Variants in ABCC1 observed in about 807,000 individuals in gnomAD.
ABCC1 encodes multidrug resistance-associated protein 1.
Under a neutral mutation model 172.9 loss-of-function variants are expected in ABCC1, and 83 were observed. The ratio of observed to expected loss-of-function variants is 0.48; its 90% CI spans 0.40 to 0.58. The LOEUF is 0.58. ABCC1 is among the 20% of genes least tolerant of loss of function. The probability of loss-of-function intolerance (pLI) is 0.00; values close to 1 mark genes in which losing one functional copy is unlikely to be tolerated. For synonymous variants in ABCC1, 937 were observed against 825.2 expected, an observed-to-expected ratio of 1.14 and a Z score of -2.32; for missense variants, 1,817 against 2,002.7, an observed-to-expected ratio of 0.91 and a Z score of 1.77.
At chr16:15,962,781 GGATTACAATTAA>G (rs1441563891) in intron 1 of ABCC1, among the ~76,000 whole-genome samples, 1 of 152,198 alleles carries the variant, frequency 6.6e-6, no homozygotes, top group South Asian at 2.1e-4. Context: ...CAACACGTGG[GGATTACAATTAA>G]GATTACAATT....
intron 20 of ABCC1, among the ~76,000 whole-genome samples, chr16:16,104,091 G>C (rs1286381755): frequency 6.6e-6 from 1 of 152,170 alleles, no homozygotes; most frequent in Non-Finnish European, 1.5e-5. Flanking sequence ...GCTGGCTTCA[G>C]GAGTGAAGCT....
At chr16:16,076,492 CTG>C (rs1339040659) in intron 15 of ABCC1, 91 bp downstream of exon 15, 1 of 1,274,528 alleles carries the variant, frequency 7.8e-7, no homozygotes, top group Non-Finnish European at 1.1e-6. Context: ...TGCTCCCTCT[CTG>C]TGACCTTGAA....
chr16:16,003,947 G>GA (rs968618495), intron 1 of ABCC1, among the ~76,000 whole-genome samples: 9 of 151,010 alleles, frequency 6.0e-5, no homozygotes, highest in Admixed American at 6.6e-5. Flanking sequence ...AATTGGTTGG[G>GA]GGGGGTGGAT....
At chr16:16,079,293 G>T in intron 15 of ABCC1, 59 bp from the exon 16 acceptor site, 1 of 1,596,262 alleles carries the variant, frequency 6.3e-7, no homozygotes, top group Admixed American at 1.7e-5. Context: ...GTGGCCATGG[G>T]CATTAGCCCG....
chr16:16,092,826 C>T (rs527505848), intron 19 of ABCC1, among the ~76,000 whole-genome samples: 8 of 152,268 alleles, frequency 5.3e-5, no homozygotes, highest in Admixed American at 4.6e-4. Flanking sequence ...CTCGTCTCTA[C>T]TGAAAGTACA....
chr16:16,075,144 C>A (rs2050506859), intron 14 of ABCC1, among the ~76,000 whole-genome samples: 1 of 151,878 alleles, frequency 6.6e-6, no homozygotes, highest in Non-Finnish European at 1.5e-5. Context: ...GGGGTTTCAC[C>A]ACGTTGGCCA....
rs147161637 is a variant in ABCC1, at chr16:16,043,222, GTTTTTTT to G, written c.810-1213_810-1207del. Among the ~76,000 whole-genome samples, 254 of 89,494 alleles carry G rather than the reference GTTTTTTT, an allele frequency of 2.8e-3. 1 individual carries two copies. The highest frequency in any genetic ancestry group is 4.7e-3 in the Non-Finnish European group (220 of 46,900). 58.7% of individuals were successfully genotyped at this position (89,494 alleles called of 152,430 possible). On this transcript the variant is annotated intron_variant, in intron 7 of 30. Transcript: ENST00000399410. ...CTGTGTTGCTCTGGCTGGCTGGACT[GTTTTTTT>G]TTTTTTTTTTTTTTCCACTGATGTA...
chr16:16,060,465 T>G (rs781672822), intron 12 of ABCC1, among the ~76,000 whole-genome samples: 5 of 152,178 alleles, frequency 3.3e-5, no homozygotes, highest in Non-Finnish European at 2.9e-5. Context: ...GCCTTGTACA[T>G]TGCATTCTTC....
upstream of ABCC1, chr16:15,949,519 G>A (rs2045803697): frequency 7.0e-6 from 1 of 142,946 alleles, no homozygotes; most frequent in Non-Finnish European, 1.5e-5. Flanking sequence ...AGGTGAGCGG[G>A]CGCCGGGGCG....
chr16:15,953,838 T>C (rs888376015), intron 1 of ABCC1, among the ~76,000 whole-genome samples: 2 of 152,086 alleles, frequency 1.3e-5, no homozygotes, highest in African/African-American at 4.8e-5. Context: ...GAATTCCTCT[T>C]GGGGCTAGGT....
At chr16:16,113,922 G>T (rs540627356) in intron 22 of ABCC1, among the ~76,000 whole-genome samples, 1 of 152,130 alleles carries the variant, frequency 6.6e-6, no homozygotes, top group Non-Finnish European at 1.5e-5. Context: ...AATAGGGTTC[G>T]CACTGCTAGG....
chr16:15,966,153 G>A (rs891018720), intron 1 of ABCC1, among the ~76,000 whole-genome samples: 1 of 152,028 alleles, frequency 6.6e-6, no homozygotes, highest in Non-Finnish European at 1.5e-5. Flanking sequence ...GGTGGCTCAC[G>A]ACTGTAATCC....
chr16:15,979,684 A>G (rs1236832691), intron 1 of ABCC1, among the ~76,000 whole-genome samples: 4 of 152,152 alleles, frequency 2.6e-5, no homozygotes, highest in East Asian at 1.9e-4. Context: ...GGGTCTCACT[A>G]TGTTGCCCAG....
At chr16:16,077,203 C>A (rs2050609886) in intron 15 of ABCC1, among the ~76,000 whole-genome samples, 1 of 152,084 alleles carries the variant, frequency 6.6e-6, no homozygotes, top group African/African-American at 2.4e-5. Context: ...GTGATGGGAC[C>A]CTTTTAGAGG....
chr16:16,098,662 A>G (rs543126385), intron 19 of ABCC1, among the ~76,000 whole-genome samples: 1 of 152,308 alleles, frequency 6.6e-6, no homozygotes, highest in African/African-American at 2.4e-5. Context: ...CTTTGGAGAA[A>G]GGGGTTGGTC....
At chr16:16,010,897 T>C (rs914310211) in intron 3 of ABCC1, among the ~76,000 whole-genome samples, 2 of 152,096 alleles carry the variant, frequency 1.3e-5, no homozygotes, top group African/African-American at 4.8e-5. Flanking sequence ...TTCTGAGCCC[T>C]GAACAGAGAG....
chr16:15,973,766 A>G (rs556224234), intron 1 of ABCC1, among the ~76,000 whole-genome samples: 1 of 152,126 alleles, frequency 6.6e-6, no homozygotes, highest in African/African-American at 2.4e-5. Context: ...GCTTGAGCCC[A>G]GGAGTTTGAA....
rs11399369 is a variant in ABCC1, at chr16:16,057,535, TAA to T, written c.1677+1252_1677+1253del. Among the ~76,000 whole-genome samples, 393 of 145,536 alleles carry T rather than the reference TAA, an allele frequency of 2.7e-3. 1 individual carries two copies. The highest frequency in any genetic ancestry group is 8.8e-3 in the African/African-American group (353 of 39,998). On this transcript the variant is annotated intron_variant, in intron 12 of 30. Coordinates refer to ENST00000399410, the MANE Select transcript of ABCC1 (RefSeq NM_004996.4). The stretch of plus-strand genomic sequence containing the variant: ...GCTGAACAAATATTGTCATCCATTG[TAA>T]AAAAAAAAAAATACAGAAAGATATA...
chr16:16,047,651 C>A (rs1056120366), intron 9 of ABCC1, among the ~76,000 whole-genome samples: 6 of 152,050 alleles, frequency 3.9e-5, no homozygotes, highest in Non-Finnish European at 7.4e-5. Flanking sequence ...GGACAGCCCC[C>A]CAAAGAATTA....
Sources: gnomAD v4.1 joint callset for allele counts (sites outside exome capture counted in the v4.1 genomes callset) on GRCh38, gnomAD v4.1.1 for gene constraint, MANE v1.5 for transcripts, NCBI Gene and HGNC (gene_info 2026-07-23, HGNC 2026-07-21) for gene names.